The following PTPRT variants were observed in gnomAD, a reference collection of about 807,000 sequenced individuals.
PTPRT encodes protein tyrosine phosphatase receptor type T, also known as receptor-type tyrosine-protein phosphatase T.
In PTPRT, 56 loss-of-function variants were observed where a neutral mutation model predicts 176.8. The ratio of observed to expected loss-of-function variants is 0.32; its 90% confidence interval spans 0.26 to 0.40. The LOEUF (loss-of-function observed/expected upper bound fraction) is 0.40. Ranked by LOEUF, PTPRT falls within the 10% of genes least tolerant of loss-of-function variation. The pLI is 1.00. For synonymous variants in PTPRT, 783 were observed against 739.0 expected, an observed-to-expected ratio of 1.06 and a Z score of -0.96; for missense variants, 1,540 against 1,908.2, an observed-to-expected ratio of 0.81 and a Z score of 3.60.
At chr20:42,882,919 G>A (rs924834666) in intron 2 of PTPRT, among the ~76,000 whole-genome samples, 2 of 152,240 alleles carry the variant, frequency 1.3e-5, no homozygotes, top group Non-Finnish European at 2.9e-5. Flanking sequence ...CTCCGTGGAG[G>A]ATGCCAATCT....
intron 14 of PTPRT, among the ~76,000 whole-genome samples, chr20:42,244,603 C>G (rs958219747): frequency 1.3e-5 from 2 of 152,154 alleles, no homozygotes; most frequent in Non-Finnish European, 2.9e-5. Flanking sequence ...TCCTGCATAA[C>G]TTGGCTTTGG....
At chr20:42,346,059 G>A (rs1312684008) in intron 11 of PTPRT, among the ~76,000 whole-genome samples, 3 of 152,174 alleles carry the variant, frequency 2.0e-5, no homozygotes, top group Admixed American at 2.0e-4. Context: ...GCTGCAGCAA[G>A]CACTCCAGCA....
intron 9 of PTPRT, among the ~76,000 whole-genome samples, chr20:42,387,742 A>T (rs1317684909): frequency 1.3e-5 from 2 of 151,248 alleles, no homozygotes; most frequent in East Asian, 3.9e-4. Flanking sequence ...CAACTTGTGT[A>T]TGTGTGGGTA....
At chr20:42,591,817 A>G (rs1002351578) in intron 7 of PTPRT, among the ~76,000 whole-genome samples, 2 of 152,080 alleles carry the variant, frequency 1.3e-5, no homozygotes, top group Non-Finnish European at 2.9e-5. Flanking sequence ...GTACAGTAAA[A>G]TGGGCACAAT....
chr20:42,597,021 G>C (rs116468851), intron 7 of PTPRT, among the ~76,000 whole-genome samples: 7,605 of 152,176 alleles, frequency 0.05, 683 homozygotes, highest in African/African-American at 0.17. Flanking sequence ...AGGAGTCCAG[G>C]CAGAACTTAA....
chr20:42,201,651 G>C (rs1476181830), intron 15 of PTPRT, among the ~76,000 whole-genome samples: 1 of 149,000 alleles, frequency 6.7e-6, no homozygotes, highest in Admixed American at 6.8e-5. Flanking sequence ...TGAAAAGGAG[G>C]TACCCTGAAC....
intron 7 of PTPRT, among the ~76,000 whole-genome samples, chr20:42,582,515 T>G (rs1193217398): frequency 1.3e-5 from 2 of 152,100 alleles, no homozygotes; most frequent in African/African-American, 4.8e-5. Context: ...CGCCTGAAAT[T>G]AAATTAGCCT....
chr20:43,110,451 A>C (rs928295879), intron 1 of PTPRT, among the ~76,000 whole-genome samples: 2 of 152,160 alleles, frequency 1.3e-5, no homozygotes, highest in Non-Finnish European at 2.9e-5. Flanking sequence ...AAGTGACTAA[A>C]TCTGGCTGAT....
At chr20:42,272,978 A>G (rs1271377421) in intron 13 of PTPRT, among the ~76,000 whole-genome samples, 1 of 152,168 alleles carries the variant, frequency 6.6e-6, no homozygotes, top group Non-Finnish European at 1.5e-5. Context: ...ACCTTATCTC[A>G]GTGATCACAC....
intron 27 of PTPRT, among the ~76,000 whole-genome samples, chr20:42,088,774 C>G (rs1376998818): frequency 6.6e-6 from 1 of 152,164 alleles, no homozygotes; most frequent in African/African-American, 2.4e-5. Context: ...TCCTATCTGG[C>G]TCTTTACAGA....
intron 6 of PTPRT, among the ~76,000 whole-genome samples, chr20:42,747,745 AAG>A (rs1487029374): frequency 1.3e-5 from 2 of 152,228 alleles, no homozygotes; most frequent in African/African-American, 4.8e-5. Flanking sequence ...ATGGCTAGAA[AAG>A]AGAATAAGAG....
At chr20:42,157,624 T>A (rs73114466) in intron 17 of PTPRT, among the ~76,000 whole-genome samples, 1 of 151,046 alleles carries the variant, frequency 6.6e-6, no homozygotes, top group Non-Finnish European at 1.5e-5. Context: ...GGGATTTTCT[T>A]CCCCCCCCAA....
intron 7 of PTPRT, among the ~76,000 whole-genome samples, chr20:42,650,800 C>G (rs758632012): frequency 2.0e-5 from 3 of 152,090 alleles, no homozygotes; most frequent in Admixed American, 2.0e-4. Flanking sequence ...AGGAAAACAA[C>G]CACAGTGGAG....
chr20:42,709,902 G>A (rs143329716), intron 6 of PTPRT, among the ~76,000 whole-genome samples: 4 of 152,322 alleles, frequency 2.6e-5, no homozygotes, highest in African/African-American at 9.6e-5. Flanking sequence ...GGTCACTCAT[G>A]TTACACCCTA....
At chr20:42,037,200 C>A in the PTPRT span, among the ~76,000 whole-genome samples, 4 of 152,206 alleles carry the variant, frequency 2.6e-5, no homozygotes, top group Non-Finnish European at 5.9e-5. Flanking sequence ...CGTACCCTAG[C>A]CTCATCACTT....
In PTPRT at chr20:42,075,159, A is replaced by C; in HGVS notation, c.*5720T>G. 1.0e-5 allele frequency: 3 copies of C among 287,990 alleles called. No individual in the cohort carries two copies. The allele number at this position is 287,990 out of a possible 1,614,324, so 17.8% of individuals were successfully genotyped here. ...AACTTTGCATGGGAGGAGTAAACAA[A>C]TCTGAATCTCAGCTTGTCTCTTCTA... On this transcript the variant is annotated 3_prime_UTR_variant, in exon 31 of 31. Coordinates refer to ENST00000373187, the MANE Select transcript of PTPRT (RefSeq NM_007050.6).
chr20:42,750,948 T>C (rs2076761645), intron 6 of PTPRT, among the ~76,000 whole-genome samples: 1 of 152,194 alleles, frequency 6.6e-6, no homozygotes, highest in African/African-American at 2.4e-5. Context: ...AGGTACATTA[T>C]CACAACTCAA....
At chr20:42,673,408 C>T (rs1003268932) in intron 7 of PTPRT, among the ~76,000 whole-genome samples, 13 of 152,186 alleles carry the variant, frequency 8.5e-5, no homozygotes, top group African/African-American at 3.1e-4. Context: ...TTTATTACGT[C>T]GGGGGACAGG....
At chr20:42,062,253 TAG>T in the PTPRT span, among the ~76,000 whole-genome samples, 2 of 152,168 alleles carry the variant, frequency 1.3e-5, no homozygotes, top group African/African-American at 4.8e-5. Context: ...GACTTTGGAA[TAG>T]AGTCAGCTGG....
Sources: gnomAD v4.1 joint callset for allele counts (sites outside exome capture counted in the v4.1 genomes callset) on GRCh38, gnomAD v4.1.1 for gene constraint, MANE v1.5 for transcripts, NCBI Gene and HGNC (gene_info 2026-07-23, HGNC 2026-07-21) for gene names.